RASGRF2: variants seen among roughly 807,000 people sequenced by gnomAD.
RASGRF2 encodes Ras protein specific guanine nucleotide releasing factor 2.
Under a neutral mutation model 151.0 loss-of-function variants are expected in RASGRF2, and 76 were observed. The observed-to-expected ratio is 0.50, with a 90% CI of 0.42 to 0.61. The LOEUF (loss-of-function observed/expected upper bound fraction) is 0.61. Ranked by LOEUF, RASGRF2 falls within the 20% of genes least tolerant of loss-of-function variation. The probability of loss-of-function intolerance (pLI) is 0.00; values close to 1 mark genes in which losing one functional copy is unlikely to be tolerated. For synonymous variants in RASGRF2, 504 were observed against 566.5 expected, an observed-to-expected ratio of 0.89 and a Z score of 1.57; for missense variants, 1,148 against 1,564.6, an observed-to-expected ratio of 0.73 and a Z score of 4.49.
chr5:80,969,472 A>G (rs868385909), intron 1 of RASGRF2, among the ~76,000 whole-genome samples: 44 of 118,312 alleles, frequency 3.7e-4, no homozygotes, highest in East Asian at 2.5e-3. Context: ...TTTTTGAGAC[A>G]GAGTCTCACT....
At chr5:81,179,179 A>G (rs6863422) in intron 17 of RASGRF2, among the ~76,000 whole-genome samples, 5,767 of 152,324 alleles carry the variant, frequency 0.038, 128 homozygotes, top group African/African-American at 0.059. Context: ...TGGTTTCTTG[A>G]TAATGAAAAG....
At chr5:80,990,750 TG>T (rs1748623750) in intron 1 of RASGRF2, among the ~76,000 whole-genome samples, 1 of 152,136 alleles carries the variant, frequency 6.6e-6, no homozygotes, top group Non-Finnish European at 1.5e-5. Context: ...TAAACTCCAG[TG>T]GGAATTCCTT....
chr5:81,133,938 G>T (rs919015033), intron 17 of RASGRF2, among the ~76,000 whole-genome samples: 3 of 152,076 alleles, frequency 2.0e-5, no homozygotes, highest in African/African-American at 7.2e-5. Flanking sequence ...GCTTGGATCG[G>T]TTTTTTAAAA....
chr5:81,181,226 G>A (rs1478706556), intron 18 of RASGRF2, among the ~76,000 whole-genome samples: 1 of 152,094 alleles, frequency 6.6e-6, no homozygotes, highest in Non-Finnish European at 1.5e-5. Context: ...TATTCACAGA[G>A]CCCATCACAT....
In RASGRF2 at chr5:81,010,133, G is replaced by A. The variant is rs576072249; in HGVS notation, c.289-32744G>A. 1.9e-3 allele frequency among the ~76,000 whole-genome samples: 285 copies of A among 147,346 alleles called. 2 individuals carry two copies. Among genetic ancestry groups the A allele is most frequent in the Non-Finnish European group, 3.4e-3 (229 of 67,474 alleles). Reference sequence around the variant, plus strand: ...CGTGCCACTGTACTCCAGCCTGAGTGACAGAGTGAGATTTCATCTCAAAAA... The same window carrying A: ...CGTGCCACTGTACTCCAGCCTGAGTAACAGAGTGAGATTTCATCTCAAAAA... On this transcript the variant is annotated intron_variant, in intron 1 of 26. Coordinates refer to ENST00000265080, the MANE Select transcript of RASGRF2 (RefSeq NM_006909.3).
Position 81,225,912 on chromosome 5 carries a change from T to C in RASGRF2, c.*142T>C. On this transcript the variant is annotated 3_prime_UTR_variant, in exon 27 of 27. Transcript: ENST00000265080. Reference sequence around the variant, plus strand: ...AAGATGGAACCAGACTGGAATTCTGTCTCCAGAGAGAAACCCAGCTGTTTG... The same window carrying C: ...AAGATGGAACCAGACTGGAATTCTGCCTCCAGAGAGAAACCCAGCTGTTTG... The C allele has an allele frequency of 1.1e-6, 1 of 908,798 alleles. No homozygotes were observed. Among genetic ancestry groups the C allele is most frequent in the Non-Finnish European group, 1.5e-6 (1 of 652,856 alleles). 56.3% of individuals were successfully genotyped at this position (908,798 alleles called of 1,614,324 possible).
At chr5:80,982,288 C>T (rs518171) in intron 1 of RASGRF2, among the ~76,000 whole-genome samples, 97,279 of 151,930 alleles carry the variant, frequency 0.64, 31,185 homozygotes, top group East Asian at 0.71. Flanking sequence ...GGAGATGAGA[C>T]GGTGTATTTG....
rs60775009 is a variant in RASGRF2 at position 81,063,038 on chromosome 5, GA to G, written c.396-4983del. ...CAAGTTAATGATGAAAAGTATGACAGAAAAAAAAAAACTATGACAGCATGAT... is the reference window on the plus strand; with the variant it reads ...CAAGTTAATGATGAAAAGTATGACAGAAAAAAAAAACTATGACAGCATGAT... On this transcript the variant is annotated intron_variant, in intron 2 of 26. Transcript: ENST00000265080. Among the ~76,000 whole-genome samples, 96 of 145,678 alleles carry G rather than the reference GA, an allele frequency of 6.6e-4. 1 individual carries two copies. The highest frequency in any genetic ancestry group is 1.6e-3 in the African/African-American group (66 of 40,016).
At chr5:81,109,124 T>C (rs1752927109) in intron 13 of RASGRF2, 46 bp downstream of exon 13, 1 of 1,579,918 alleles carries the variant, frequency 6.3e-7, no homozygotes. Flanking sequence ...AAGATTAAAT[T>C]GGCGGAACAT....
chr5:81,154,479 T>C (rs980610688), intron 17 of RASGRF2, among the ~76,000 whole-genome samples: 3 of 152,174 alleles, frequency 2.0e-5, no homozygotes, highest in African/African-American at 7.2e-5. Flanking sequence ...ATCCTCCCGC[T>C]TTGGCCTTCC....
intron 17 of RASGRF2, among the ~76,000 whole-genome samples, chr5:81,169,851 C>T (rs12523423): frequency 0.59 from 34,387 of 58,498 alleles, 9,429 homozygotes; most frequent in Admixed American, 0.65. Context: ...GCATCACCTG[C>T]ACCACCTGTA....
chr5:81,004,612 A>G (rs1036570349), intron 1 of RASGRF2, among the ~76,000 whole-genome samples: 4 of 152,222 alleles, frequency 2.6e-5, no homozygotes, highest in African/African-American at 4.8e-5. Flanking sequence ...TTGCATCTTA[A>G]TAATGTACTT....
intron 18 of RASGRF2, among the ~76,000 whole-genome samples, chr5:81,181,164 C>T (rs1754909002): frequency 6.6e-6 from 1 of 152,108 alleles, no homozygotes; most frequent in Non-Finnish European, 1.5e-5. Flanking sequence ...GTAGGTATTC[C>T]CAGGTCTTTA....
chr5:81,177,980 G>A (rs890118767), intron 17 of RASGRF2, among the ~76,000 whole-genome samples: 3 of 152,198 alleles, frequency 2.0e-5, no homozygotes, highest in Admixed American at 2.0e-4. Flanking sequence ...TGTAGTTTGT[G>A]TTCAGGAGTT....
intron 15 of RASGRF2, among the ~76,000 whole-genome samples, chr5:81,121,079 GC>G (rs1426714050): frequency 6.6e-6 from 1 of 152,120 alleles, no homozygotes; most frequent in Admixed American, 6.5e-5. Context: ...CACTACTTCA[GC>G]ATGAGTCTGA....
intron 17 of RASGRF2, among the ~76,000 whole-genome samples, chr5:81,173,338 A>T (rs925341577): frequency 6.6e-6 from 1 of 152,216 alleles, no homozygotes; most frequent in Non-Finnish European, 1.5e-5. Context: ...AGATCGTGCC[A>T]TTGCACTCCA....
chr5:81,024,963 C>T (rs1749967761), intron 1 of RASGRF2, among the ~76,000 whole-genome samples: 1 of 152,202 alleles, frequency 6.6e-6, no homozygotes, highest in Non-Finnish European at 1.5e-5. Context: ...TCCTGGGCTG[C>T]TCTGACTTCT....
At position 81,164,086 on chromosome 5, in the gene RASGRF2, A is replaced by G. The variant is rs148139271; in HGVS notation, c.2687-16089A>G. 4.1e-3 allele frequency among the ~76,000 whole-genome samples: 621 copies of G among 152,342 alleles called. 5 individuals carry two copies. The highest frequency in any genetic ancestry group is 6.0e-3 in the Non-Finnish European group (411 of 68,040). ...TTAAATGAGCTTAGTCCCTGGCATAAGTAAACACTGAGTGATGTTAGCTAT... is the reference window on the plus strand; with the variant it reads ...TTAAATGAGCTTAGTCCCTGGCATAGGTAAACACTGAGTGATGTTAGCTAT... On this transcript the variant is annotated intron_variant, in intron 17 of 26. Transcript: ENST00000265080.
chr5:81,149,172 G>T (rs980767001), intron 17 of RASGRF2, among the ~76,000 whole-genome samples: 1 of 152,116 alleles, frequency 6.6e-6, no homozygotes, highest in Non-Finnish European at 1.5e-5. Context: ...AAAGACACAC[G>T]ATCATGCATG....
Sources: gnomAD v4.1 joint callset for allele counts (sites outside exome capture counted in the v4.1 genomes callset) on GRCh38, gnomAD v4.1.1 for gene constraint, MANE v1.5 for transcripts, NCBI Gene and HGNC (gene_info 2026-07-23, HGNC 2026-07-21) for gene names.